Variants in SLC25A21 observed in about 807,000 individuals in gnomAD.
SLC25A21 encodes the protein solute carrier family 25 member 21.
Under a neutral mutation model 43.8 loss-of-function variants are expected in SLC25A21, and 47 were observed. That is an observed-to-expected ratio of 1.07 (90% CI 0.85 to 1.37). SLC25A21 has a LOEUF of 1.37. Ranked by LOEUF, SLC25A21 falls within the 40% of genes most tolerant of loss-of-function variation. SLC25A21 has a pLI of 0.00. For synonymous variants in SLC25A21, 131 were observed against 121.3 expected (o/e 1.08, Z -0.52); for missense variants, 352 against 350.2 (o/e 1.00, Z -0.04).
intron 1 of SLC25A21, among the ~76,000 whole-genome samples, chr14:37,055,967 G>A (rs1483774461): frequency 6.6e-6 from 1 of 152,010 alleles, no homozygotes; most frequent in Non-Finnish European, 1.5e-5. Context: ...TCATCAGGGT[G>A]GTTTTTAAAG....
At chr14:36,705,251 TAGTC>T (rs1883476209) in intron 7 of SLC25A21, among the ~76,000 whole-genome samples, 1 of 151,954 alleles carries the variant, frequency 6.6e-6, no homozygotes, top group Non-Finnish European at 1.5e-5. Context: ...TTCACTGTGT[TAGTC>T]AGGATGGTCT....
Position 36,995,771 on chromosome 14 carries a change from G to T in SLC25A21, c.71-120767C>A, listed in dbSNP as rs367870172. 1.7e-4 allele frequency among the ~76,000 whole-genome samples: 26 copies of T among 152,196 alleles called. No individual in the cohort carries two copies. The East Asian group carries it at 4.6e-3, about 27-fold the overall frequency. On this transcript the variant is annotated intron_variant, in intron 1 of 9. Coordinates refer to ENST00000331299, the MANE Select transcript of SLC25A21 (RefSeq NM_030631.4). ...ATTAAATGGTATGTGGATTGCCCAG[G>T]TATCAAGACTTACGTTAAAATCAGC...
chr14:37,075,755 T>C (rs968841312), intron 1 of SLC25A21, among the ~76,000 whole-genome samples: 1 of 152,256 alleles, frequency 6.6e-6, no homozygotes, highest in African/African-American at 2.4e-5. Flanking sequence ...AATTTGATTA[T>C]TGAGTCATAT....
chr14:36,925,051 T>A (rs1378679771), intron 1 of SLC25A21, among the ~76,000 whole-genome samples: 1 of 152,034 alleles, frequency 6.6e-6, no homozygotes. Context: ...GTTAAAAAAA[T>A]ATATATCATA....
chr14:37,172,525 G>T lies in SLC25A21; in HGVS notation c.-175C>A. ...CGAGGGTTCGAGGCGCAGATTCGTC[G>T]CGCGATCTCCGGCGCGTCGGAACCT... On this transcript the variant is annotated 5_prime_UTR_variant, in exon 1 of 10. Transcript: ENST00000331299. The T allele has an allele frequency of 1.3e-6, 1 of 755,760 alleles. No individual in the cohort carries two copies. 46.8% of individuals were successfully genotyped at this position (755,760 alleles called of 1,614,324 possible). A position where few individuals can be genotyped will look rare whatever the true frequency, so the allele number is the denominator to read the frequency against.
At chr14:36,839,497 A>G (rs1425829768) in intron 2 of SLC25A21, among the ~76,000 whole-genome samples, 2 of 152,250 alleles carry the variant, frequency 1.3e-5, no homozygotes, top group Non-Finnish European at 2.9e-5. Context: ...GCCACACTAT[A>G]GCATTAAGTG....
chr14:36,895,348 G>C (rs1468472966), intron 1 of SLC25A21, among the ~76,000 whole-genome samples: 3 of 152,080 alleles, frequency 2.0e-5, no homozygotes, highest in Non-Finnish European at 4.4e-5. Flanking sequence ...ATAGTATTCT[G>C]TGATGGTAGT....
intron 1 of SLC25A21, among the ~76,000 whole-genome samples, chr14:37,028,157 A>G (rs1477351724): frequency 6.7e-6 from 1 of 149,024 alleles, no homozygotes; most frequent in African/African-American, 2.6e-5. Context: ...AACAGCAAAC[A>G]ATGAAAAGCT....
At chr14:36,991,908 T>C (rs1002449200) in intron 1 of SLC25A21, among the ~76,000 whole-genome samples, 3 of 152,150 alleles carry the variant, frequency 2.0e-5, no homozygotes, top group African/African-American at 4.8e-5. Context: ...TTACTCAGGG[T>C]ATCTTAAATG....
intron 1 of SLC25A21, among the ~76,000 whole-genome samples, chr14:36,929,616 G>A (rs1014698395): frequency 6.6e-6 from 1 of 152,090 alleles, no homozygotes; most frequent in South Asian, 2.1e-4. Flanking sequence ...ATGTTAAATA[G>A]AGTAAGCATC....
intron 1 of SLC25A21, among the ~76,000 whole-genome samples, chr14:37,104,993 A>G (rs1264427962): frequency 6.6e-6 from 1 of 152,242 alleles, no homozygotes; most frequent in Non-Finnish European, 1.5e-5. Context: ...TCAGGTAACT[A>G]TTATGATCCA....
intron 1 of SLC25A21, among the ~76,000 whole-genome samples, chr14:37,009,917 G>T (rs1045601864): frequency 2.6e-5 from 4 of 152,132 alleles, no homozygotes; most frequent in Admixed American, 1.3e-4. Flanking sequence ...AAATTTTGAC[G>T]TAAGTGTGAA....
At chr14:36,728,413 C>T (rs946823782) in intron 5 of SLC25A21, among the ~76,000 whole-genome samples, 2 of 152,152 alleles carry the variant, frequency 1.3e-5, no homozygotes, top group Admixed American at 1.3e-4. Flanking sequence ...ATTTTTAATC[C>T]TCTTTTTTGC....
chr14:36,973,019 A>AT (rs977712142), intron 1 of SLC25A21, among the ~76,000 whole-genome samples: 9 of 128,898 alleles, frequency 7.0e-5, no homozygotes, highest in South Asian at 2.3e-4. Flanking sequence ...TTATTTATTT[A>AT]TTTATTTTAT....
In SLC25A21 at chr14:36,926,341, T is replaced by C. The variant is rs532649697; in HGVS notation, c.71-51337A>G. 7.2e-5 allele frequency among the ~76,000 whole-genome samples: 11 copies of C among 152,220 alleles called. No individual in the cohort carries two copies. The South Asian group carries it at 2.3e-3, about 32-fold the overall frequency. ...CAATGAAAACACAACATTATCAAAA[T>C]TTGACCTTGGACTAGGCAACAATTC... On this transcript the variant is annotated intron_variant, in intron 1 of 9. Transcript: ENST00000331299.
chr14:37,129,736 C>A (rs1282535858), intron 1 of SLC25A21, among the ~76,000 whole-genome samples: 3 of 150,410 alleles, frequency 2.0e-5, no homozygotes, highest in Admixed American at 1.3e-4. Flanking sequence ...GTGCCTATAG[C>A]CCTTAAAATA....
At chr14:36,931,547 A>G (rs1435522108) in intron 1 of SLC25A21, among the ~76,000 whole-genome samples, 2 of 152,214 alleles carry the variant, frequency 1.3e-5, no homozygotes, top group Non-Finnish European at 2.9e-5. Context: ...AGGGCTCTGC[A>G]TGCTCTGAGA....
chr14:37,074,548 G>A (rs1189150173), intron 1 of SLC25A21, among the ~76,000 whole-genome samples: 1 of 152,068 alleles, frequency 6.6e-6, no homozygotes, highest in African/African-American at 2.4e-5. Flanking sequence ...AATTCAAAAG[G>A]CAGCCAGGCA....
chr14:36,840,662 T>A (rs1301428381), intron 2 of SLC25A21, among the ~76,000 whole-genome samples: 1 of 152,236 alleles, frequency 6.6e-6, no homozygotes, highest in African/African-American at 2.4e-5. Context: ...CAACCAAATG[T>A]TGCTATCTAA....
Sources: allele counts gnomAD v4.1 joint callset (sites outside exome capture counted in the v4.1 genomes callset), GRCh38; gene constraint gnomAD v4.1.1; transcripts MANE v1.5; gene names NCBI Gene and HGNC (gene_info 2026-07-23, HGNC 2026-07-21).